SPEF2: variants seen among roughly 807,000 people sequenced by gnomAD.
SPEF2 encodes the protein sperm flagella and cilia-associated protein 2.
A neutral mutation model predicts 224.6 loss-of-function variants in SPEF2; 187 were observed. That is an observed-to-expected ratio of 0.83 (90% CI 0.74 to 0.94). The LOEUF is 0.94. SPEF2 is among the 40% of genes least tolerant of loss of function. The pLI is 0.00. For synonymous variants in SPEF2, 715 were observed against 707.3 expected (o/e 1.01, Z -0.17); for missense variants, 2,170 against 2,135.6 (o/e 1.02, Z -0.32).
intron 10 of SPEF2, among the ~76,000 whole-genome samples, chr5:35,683,090 G>C (rs531549542): frequency 6.6e-6 from 1 of 152,148 alleles, no homozygotes; most frequent in East Asian, 1.9e-4. Context: ...GACACATTAG[G>C]CCACAAAAAA....
In SPEF2 at chr5:35,800,010, C is replaced by T; in HGVS notation, c.4873C>T (p.Gln1625Ter). The T allele has an allele frequency of 6.2e-7, 1 of 1,614,042 alleles. No homozygotes were observed. The highest frequency in any genetic ancestry group is 1.1e-5 in the South Asian group (1 of 91,062). ...TGCTGACTATGAGAAGGATCCACCC[C>T]AGCTTGACTACACACAGATGCTGCT... ...LFADYEKDPPQLDYTQMLLYF... is the reference protein window; with the variant it reads ...LFADYEKDPP Residue 1625 changes from glutamine to a stop codon, truncating the protein, a stop_gained, in exon 34 of 37, where the codon CAG (glutamine) becomes TAG (stop). Transcript: ENST00000356031. LOFTEE classifies it high-confidence loss of function.
intron 1 of SPEF2, among the ~76,000 whole-genome samples, chr5:35,628,112 T>C (rs935219315): frequency 2.6e-5 from 4 of 152,206 alleles, no homozygotes; most frequent in African/African-American, 9.6e-5. Context: ...ACTAAAGTAT[T>C]AGAGTATGAT....
At chr5:35,678,509 A>G (rs891844561) in intron 10 of SPEF2, 2 of 152,220 alleles carry the variant, frequency 1.3e-5, no homozygotes, top group Admixed American at 6.5e-5. Context: ...ACCCCTGCCC[A>G]CTGGCTCCTC....
At chr5:35,807,754 A>T (rs997653514) in intron 36 of SPEF2, 60 of 1,536,066 alleles carry the variant, frequency 3.9e-5, no homozygotes, top group Non-Finnish European at 5.2e-5. Flanking sequence ...GAGAAACTGG[A>T]CAAACCCAGC....
chr5:35,621,521 ACT>A (rs1485976811), intron 1 of SPEF2, among the ~76,000 whole-genome samples: 5 of 152,138 alleles, frequency 3.3e-5, no homozygotes, highest in Non-Finnish European at 7.4e-5. Context: ...TGTTTAAGTA[ACT>A]CTCAAATGTA....
chr5:35,705,898 A>T, intron 18 of SPEF2, 90 bp downstream of exon 18: 1 of 839,832 alleles, frequency 1.2e-6, no homozygotes, highest in Non-Finnish European at 1.7e-6. Flanking sequence ...GTGATTGAAA[A>T]GTTCTTTCTT....
intron 1 of SPEF2, among the ~76,000 whole-genome samples, chr5:35,619,709 A>G (rs1407586343): frequency 6.6e-6 from 1 of 152,008 alleles, no homozygotes; most frequent in Non-Finnish European, 1.5e-5. Context: ...CAAACAAACA[A>G]ACAAAAAACA....
intron 26 of SPEF2, among the ~76,000 whole-genome samples, chr5:35,767,771 G>A (rs1460216086): frequency 1.3e-5 from 2 of 151,986 alleles, no homozygotes; most frequent in Admixed American, 1.3e-4. Flanking sequence ...TTATAAATGG[G>A]ATATGATGTG....
chr5:35,726,488 T>C lies in SPEF2; in HGVS notation c.2915-1187T>C, dbSNP rs772768996. 1.2e-4 allele frequency among the ~76,000 whole-genome samples: 19 copies of C among 152,226 alleles called. No homozygotes were observed. In the South Asian group the frequency reaches 1.7e-3, roughly 13 times the overall value. On this transcript the variant is annotated intron_variant, in intron 20 of 36. Transcript: ENST00000356031. The stretch of plus-strand genomic sequence containing the variant: ...TTTTCTAAATTTTATATAATTTAGA[T>C]ATAACTTCAGATCTATAGATAATAG...
intron 10 of SPEF2, among the ~76,000 whole-genome samples, chr5:35,671,918 G>A (rs1270259008): frequency 2.6e-5 from 4 of 151,536 alleles, no homozygotes; most frequent in East Asian, 1.9e-4. Context: ...AGCTCCCTTC[G>A]ACACCATAAT....
At chr5:35,713,669 C>T (rs539439688) in intron 20 of SPEF2, among the ~76,000 whole-genome samples, 37 of 149,018 alleles carry the variant, frequency 2.5e-4, no homozygotes, top group Admixed American at 1.9e-3. Context: ...CCGGGAGACA[C>T]GGAGGCTGCA....
intron 21 of SPEF2, among the ~76,000 whole-genome samples, chr5:35,734,879 T>C (rs544630502): frequency 6.6e-6 from 1 of 151,838 alleles, no homozygotes; most frequent in East Asian, 1.9e-4. Flanking sequence ...GCCTGGCTAA[T>C]TTTTGTATTT....
At chr5:35,708,055 T>G (rs1158810270) in intron 18 of SPEF2, among the ~76,000 whole-genome samples, 1 of 152,228 alleles carries the variant, frequency 6.6e-6, no homozygotes, top group Admixed American at 6.5e-5. Flanking sequence ...CTGTTTTGTT[T>G]TACTGTTGTA....
chr5:35,787,737 C>A, intron 30 of SPEF2: 2 of 506,234 alleles, frequency 4.0e-6, no homozygotes, highest in East Asian at 3.0e-5. Context: ...TAACAGAATG[C>A]CTGGTAATTA....
intron 2 of SPEF2, among the ~76,000 whole-genome samples, chr5:35,638,611 A>G (rs1238723330): frequency 6.6e-6 from 1 of 152,162 alleles, no homozygotes; most frequent in Non-Finnish European, 1.5e-5. Context: ...TTGTTCTAAT[A>G]AAACTTTGGA....
chr5:35,733,763 CAGAG>C (rs1746059528), intron 21 of SPEF2, among the ~76,000 whole-genome samples: 1 of 150,834 alleles, frequency 6.6e-6, no homozygotes, highest in Non-Finnish European at 1.5e-5. Context: ...TACAGTAACT[CAGAG>C]AGACAGTACA....
intron 23 of SPEF2, among the ~76,000 whole-genome samples, chr5:35,750,210 G>C (rs1749194371): frequency 6.6e-6 from 1 of 152,092 alleles, no homozygotes; most frequent in Non-Finnish European, 1.5e-5. Flanking sequence ...AACTCAAGAT[G>C]GATTAAGGTC....
At chr5:35,716,625 A>G (rs1421783996) in intron 20 of SPEF2, among the ~76,000 whole-genome samples, 2 of 152,162 alleles carry the variant, frequency 1.3e-5, no homozygotes, top group African/African-American at 2.4e-5. Context: ...TTATTTTACT[A>G]TTATATTGCA....
At chr5:35,670,872 T>C in intron 10 of SPEF2, 1 of 985,058 alleles carries the variant, frequency 1.0e-6, no homozygotes, top group Non-Finnish European at 1.2e-6. Flanking sequence ...GGAATGCTAC[T>C]ATACCTACTT....
Sources: gnomAD v4.1 joint callset for allele counts (sites outside exome capture counted in the v4.1 genomes callset) on GRCh38, gnomAD v4.1.1 for gene constraint, MANE v1.5 for transcripts, NCBI Gene and HGNC (gene_info 2026-07-23, HGNC 2026-07-21) for gene names.